Variants in SH3BGRL observed in about 807,000 individuals in gnomAD.
The protein encoded by SH3BGRL is adapter SH3BGRL.
In SH3BGRL, 7 loss-of-function variants were observed where a neutral mutation model predicts 9.8. The ratio of observed to expected loss-of-function variants is 0.72; its 90% CI spans 0.41 to 1.35. The LOEUF is 1.35. Among genes scored for constraint, SH3BGRL ranks in the 40% most tolerant of loss-of-function variants. The pLI is 0.01. For synonymous variants in SH3BGRL, 36 were observed against 29.1 expected, an observed-to-expected ratio of 1.24 and a Z score of -0.76; for missense variants, 73 against 84.4, an observed-to-expected ratio of 0.86 and a Z score of 0.53.
intron 1 of SH3BGRL, among the ~76,000 whole-genome samples, chrX:81,246,592 C>A (rs763801929): frequency 9.0e-6 from 1 of 111,502 alleles, no homozygotes; most frequent in East Asian, 2.8e-4. Context: ...TTTTTCTCAA[C>A]TTTGTCAAAG....
At chrX:81,266,563 A>G (rs751004667) in intron 1 of SH3BGRL, among the ~76,000 whole-genome samples, 1 of 111,520 alleles carries the variant, frequency 9.0e-6, no homozygotes, top group Non-Finnish European at 1.9e-5. Flanking sequence ...CCATTGGTCT[A>G]TATATTTGTC....
At chrX:81,286,053 T>C (rs1329285333) in intron 3 of SH3BGRL, among the ~76,000 whole-genome samples, 1 of 111,800 alleles carries the variant, frequency 8.9e-6, no homozygotes, top group African/African-American at 3.2e-5. Flanking sequence ...AGACAAATAA[T>C]TGTTGTATTC....
intron 1 of SH3BGRL, among the ~76,000 whole-genome samples, chrX:81,269,487 G>A (rs1026872316): frequency 5.4e-5 from 6 of 111,367 alleles, no homozygotes; most frequent in African/African-American, 1.3e-4. Context: ...GCTTAGTTTC[G>A]CTGGATATGA....
chrX:81,289,072 A>G (rs1163666154), intron 3 of SH3BGRL, among the ~76,000 whole-genome samples: 1 of 112,091 alleles, frequency 8.9e-6, no homozygotes, highest in Non-Finnish European at 1.9e-5. Context: ...TGGCATAAAA[A>G]CAAACACATA....
At chrX:81,296,890 GA>G (rs931976141) in intron 3 of SH3BGRL, among the ~76,000 whole-genome samples, 8 of 110,255 alleles carry the variant, frequency 7.3e-5, no homozygotes, top group African/African-American at 2.0e-4. Flanking sequence ...CAATTTTCAT[GA>G]AAAAAAATCA....
intron 1 of SH3BGRL, among the ~76,000 whole-genome samples, chrX:81,219,761 CAT>C (rs2075594654): frequency 9.0e-6 from 1 of 111,238 alleles, no homozygotes; most frequent in Non-Finnish European, 1.9e-5. Context: ...GTGATTCTCT[CAT>C]ATATGGCTTT....
At chrX:81,271,801 A>G (rs2075780709) in intron 1 of SH3BGRL, among the ~76,000 whole-genome samples, 1 of 111,318 alleles carries the variant, frequency 9.0e-6, no homozygotes, top group Non-Finnish European at 1.9e-5. Context: ...TCATCAGATT[A>G]CGTTGCATTG....
intron 1 of SH3BGRL, among the ~76,000 whole-genome samples, chrX:81,221,894 A>T (rs1026730868): frequency 2.7e-5 from 3 of 112,055 alleles, no homozygotes; most frequent in Non-Finnish European, 5.6e-5. Flanking sequence ...AGTCTGTTCC[A>T]CCTTTATCAC....
intron 3 of SH3BGRL, among the ~76,000 whole-genome samples, chrX:81,278,778 A>C (rs56923809): frequency 0.01 from 1,150 of 112,092 alleles, 15 homozygotes; most frequent in African/African-American, 0.035. Context: ...TCTCCTTGGC[A>C]GCACTTATTG....
At chrX:81,227,620 T>C (rs973263293) in intron 1 of SH3BGRL, among the ~76,000 whole-genome samples, 1 of 112,351 alleles carries the variant, frequency 8.9e-6, no homozygotes, top group African/African-American at 3.2e-5. Flanking sequence ...TGATTTCTTT[T>C]TTGCTTGCTA....
chrX:81,223,217 G>T (rs1162548611), intron 1 of SH3BGRL, among the ~76,000 whole-genome samples: 1 of 111,724 alleles, frequency 9.0e-6, no homozygotes, highest in Non-Finnish European at 1.9e-5. Context: ...TGTTGCCATT[G>T]CTTTTGTTGT....
At chrX:81,204,869 C>T (rs186495128) in intron 1 of SH3BGRL, among the ~76,000 whole-genome samples, 11 of 112,382 alleles carry the variant, frequency 9.8e-5, no homozygotes, top group Non-Finnish European at 1.9e-4. Context: ...AAGAGTAGCA[C>T]TTGCTTCTTG....
In SH3BGRL at chrX:81,247,907, G is replaced by C. The variant is rs936502659; in HGVS notation, c.46-29077G>C. ...ACAAGTTCTTCTTTGGTAGAATTTGGCTGTGAATCCATCTGGTCCAGGGCT... is the reference window on the plus strand; with the variant it reads ...ACAAGTTCTTCTTTGGTAGAATTTGCCTGTGAATCCATCTGGTCCAGGGCT... On this transcript the variant is annotated intron_variant, in intron 1 of 3. Coordinates refer to ENST00000373212, the MANE Select transcript of SH3BGRL (RefSeq NM_003022.3). Among the ~76,000 whole-genome samples, 40 of 109,067 alleles carry C rather than the reference G, an allele frequency of 3.7e-4. 1 individual carries two copies. Among genetic ancestry groups the C allele is most frequent in the Non-Finnish European group, 1.1e-4 (6 of 52,592 alleles). The allele number at this position is 109,067 out of a possible 115,157, so 94.7% of individuals were successfully genotyped here.
At chrX:81,289,110 G>A (rs945451462) in intron 3 of SH3BGRL, among the ~76,000 whole-genome samples, 8 of 111,838 alleles carry the variant, frequency 7.2e-5, no homozygotes, top group African/African-American at 2.6e-4. Flanking sequence ...AGAGAACCCA[G>A]AAACAAATCC....
At chrX:81,230,796 T>C in intron 1 of SH3BGRL, among the ~76,000 whole-genome samples, 1 of 111,972 alleles carries the variant, frequency 8.9e-6, no homozygotes, top group Non-Finnish European at 1.9e-5. Context: ...TTGTAATGTG[T>C]GGCCCCAACT....
At chrX:81,252,792 G>C (rs947327489) in intron 1 of SH3BGRL, among the ~76,000 whole-genome samples, 3 of 111,802 alleles carry the variant, frequency 2.7e-5, no homozygotes, top group Non-Finnish European at 5.6e-5. Flanking sequence ...CCACATTTTT[G>C]GTAAGCAGTT....
rs780840917 is a variant in SH3BGRL at position 81,211,320 on chromosome X, C to T, written c.45+9075C>T. Among the ~76,000 whole-genome samples, 7 of 111,599 alleles carry T rather than the reference C, an allele frequency of 6.3e-5. No homozygotes were observed. The South Asian group carries it at 2.6e-3, about 42-fold the overall frequency. On this transcript the variant is annotated intron_variant, in intron 1 of 3. Coordinates refer to ENST00000373212, the MANE Select transcript of SH3BGRL (RefSeq NM_003022.3). ...ACATTTGAGGCCGGGCGCGGTGGCT[C>T]ACGCCTGTAATCTCAGCACTTTGTG...
At chrX:81,202,640 C>A (rs890452496) in intron 1 of SH3BGRL, 1 of 658,130 alleles carries the variant, frequency 1.5e-6, no homozygotes, top group Non-Finnish European at 1.8e-6. Context: ...GAGGAGTGCA[C>A]TTCTGTAAAG....
At chrX:81,237,273 A>C (rs930459400) in intron 1 of SH3BGRL, 13 of 332,004 alleles carry the variant, frequency 3.9e-5, no homozygotes, top group African/African-American at 2.4e-4. Context: ...GTAAGAACTC[A>C]AAATCAGGTA....
Sources: gnomAD v4.1 joint callset for allele counts (sites outside exome capture counted in the v4.1 genomes callset) on GRCh38, gnomAD v4.1.1 for gene constraint, MANE v1.5 for transcripts, NCBI Gene and HGNC (gene_info 2026-07-23, HGNC 2026-07-21) for gene names.